The following RAB27A variants were observed in gnomAD, a reference collection of about 807,000 sequenced individuals.
The protein encoded by RAB27A is ras-related protein Rab-27A.
In RAB27A, 17 loss-of-function variants were observed where a neutral mutation model predicts 20.8. The observed-to-expected ratio is 0.82, with a 90% CI of 0.56 to 1.23. The LOEUF is 1.23. Ranked by LOEUF, RAB27A falls within the 50% of genes most tolerant of loss-of-function variation. The probability of loss-of-function intolerance (pLI) is 0.00; values close to 1 mark genes in which losing one functional copy is unlikely to be tolerated. For synonymous variants in RAB27A, 85 were observed against 92.8 expected (o/e 0.92, Z 0.48); for missense variants, 277 against 266.7 (o/e 1.04, Z -0.27).
intron 1 of RAB27A, among the ~76,000 whole-genome samples, chr15:55,276,314 A>G (rs372527004): frequency 3.9e-5 from 6 of 152,218 alleles, no homozygotes; most frequent in African/African-American, 1.4e-4. Context: ...CACCTGTGAC[A>G]ATACAGATAG....
chr15:55,260,681 C>G (rs62018093), intron 2 of RAB27A, among the ~76,000 whole-genome samples: 11,175 of 152,114 alleles, frequency 0.073, 564 homozygotes, highest in Non-Finnish European at 0.12. Context: ...TGAAAGAAGC[C>G]AATCTGTATG....
chr15:55,256,530 A>G (rs915645362), intron 2 of RAB27A, among the ~76,000 whole-genome samples: 3 of 152,256 alleles, frequency 2.0e-5, no homozygotes, highest in African/African-American at 7.2e-5. Context: ...AGAATAGGAT[A>G]CACAGCATGT....
chr15:55,205,392 T>C lies in RAB27A; in HGVS notation c.*115A>G. ...GCTTTATTCGTAGGTCTAATGGGGA[T>C]GGTGAGAAGCAATTTGTACACAATG... On this transcript the variant is annotated 3_prime_UTR_variant, in exon 7 of 7. Transcript: ENST00000336787. The C allele has an allele frequency of 1.9e-6, 2 of 1,064,334 alleles. No homozygotes were observed. Among genetic ancestry groups the C allele is most frequent in the South Asian group, 1.3e-5 (1 of 79,042 alleles). The allele number at this position is 1,064,334 out of a possible 1,614,324, so 65.9% of individuals were successfully genotyped here. A position where few individuals can be genotyped will look rare whatever the true frequency, so the allele number is the denominator to read the frequency against.
intron 6 of RAB27A, among the ~76,000 whole-genome samples, chr15:55,217,284 C>T (rs1204175312): frequency 6.6e-6 from 1 of 151,966 alleles, no homozygotes; most frequent in Non-Finnish European, 1.5e-5. Context: ...AGCTCTGTGC[C>T]AGTAATTGGG....
chr15:55,205,948 G>T (rs943690478), intron 6 of RAB27A, among the ~76,000 whole-genome samples: 1 of 151,976 alleles, frequency 6.6e-6, no homozygotes, highest in African/African-American at 2.4e-5. Context: ...GGGCGCAGTG[G>T]CTCACACCTC....
At chr15:55,261,797 T>C (rs1897278110) in intron 2 of RAB27A, among the ~76,000 whole-genome samples, 1 of 150,982 alleles carries the variant, frequency 6.6e-6, no homozygotes, top group Non-Finnish European at 1.5e-5. Context: ...CCCAGCACTT[T>C]GGAAGGCCGA....
chr15:55,303,566 G>T (rs1420916563), intron 2 of RAB27A, among the ~76,000 whole-genome samples: 4 of 73,730 alleles, frequency 5.4e-5, no homozygotes, highest in African/African-American at 6.2e-5. Context: ...GAGGTGGGGG[G>T]GTCGGCCCCC....
chr15:55,309,688 T>C (rs1193374687), intron 2 of RAB27A, among the ~76,000 whole-genome samples: 1 of 152,208 alleles, frequency 6.6e-6, no homozygotes, highest in Non-Finnish European at 1.5e-5. Context: ...TAAACCACTC[T>C]GCTTCCTCTG....
chr15:55,266,633 T>C (rs879463195), intron 2 of RAB27A, among the ~76,000 whole-genome samples: 3 of 152,236 alleles, frequency 2.0e-5, no homozygotes, highest in Non-Finnish European at 4.4e-5. Context: ...CTAAGCACTA[T>C]TCTAAATCCT....
chr15:55,299,281 T>C (rs1455106659), intron 2 of RAB27A, among the ~76,000 whole-genome samples: 1 of 152,162 alleles, frequency 6.6e-6, no homozygotes, highest in Non-Finnish European at 1.5e-5. Context: ...AGCCGGTCCC[T>C]CCATTTGGGG....
chr15:55,226,347 G>A (rs2899583), intron 5 of RAB27A, among the ~76,000 whole-genome samples: 1 of 152,002 alleles, frequency 6.6e-6, no homozygotes, highest in South Asian at 2.1e-4. Context: ...TTCTCAAGAG[G>A]GCATGGAGAG....
intron 2 of RAB27A, among the ~76,000 whole-genome samples, chr15:55,249,729 C>G (rs1395397530): frequency 6.6e-6 from 1 of 152,176 alleles, no homozygotes; most frequent in African/African-American, 2.4e-5. Flanking sequence ...GCTACTTCAT[C>G]TGTTTCTAAG....
At chr15:55,310,948 A>G (rs1421221011) in intron 2 of RAB27A, among the ~76,000 whole-genome samples, 1 of 152,208 alleles carries the variant, frequency 6.6e-6, no homozygotes, top group Non-Finnish European at 1.5e-5. Flanking sequence ...ATCATTGCCA[A>G]TAATTCATAG....
At chr15:55,277,150 C>T (rs1262103235) in intron 1 of RAB27A, among the ~76,000 whole-genome samples, 1 of 152,148 alleles carries the variant, frequency 6.6e-6, no homozygotes, top group East Asian at 1.9e-4. Flanking sequence ...AAATTCTCTA[C>T]TTCTGTAATA....
intron 2 of RAB27A, among the ~76,000 whole-genome samples, chr15:55,302,973 A>G (rs28423052): frequency 0.42 from 51,720 of 123,308 alleles, 13,782 homozygotes; most frequent in African/African-American, 0.74. Flanking sequence ...ACCCCGTCCA[A>G]GAGGGAGGTG....
intron 3 of RAB27A, among the ~76,000 whole-genome samples, chr15:55,231,797 G>C (rs897747392): frequency 3.9e-5 from 6 of 151,966 alleles, no homozygotes; most frequent in Admixed American, 1.3e-4. Context: ...TGCTCTTTGA[G>C]AACAGCCCTA....
At chr15:55,282,653 C>G (rs1373250417) in intron 1 of RAB27A, among the ~76,000 whole-genome samples, 1 of 152,122 alleles carries the variant, frequency 6.6e-6, no homozygotes, top group African/African-American at 2.4e-5. Flanking sequence ...GACTGAGAAC[C>G]CAAGTCCCTG....
At chr15:55,262,027 A>G (rs1467818516) in intron 2 of RAB27A, among the ~76,000 whole-genome samples, 3 of 146,306 alleles carry the variant, frequency 2.1e-5, no homozygotes, top group African/African-American at 7.7e-5. Flanking sequence ...ACAGGGCGAG[A>G]CTCCATCCCA....
chr15:55,281,320 G>A lies in RAB27A; in HGVS notation c.-143+8396C>T, dbSNP rs140941377. Among the ~76,000 whole-genome samples, 14 of 152,182 alleles carry A rather than the reference G, an allele frequency of 9.2e-5. 1 individual carries two copies. The highest frequency in any genetic ancestry group is 3.4e-4 in the African/African-American group (14 of 41,512). On this transcript the variant is annotated intron_variant, in intron 1 of 6. Coordinates refer to ENST00000336787, the MANE Select transcript of RAB27A (RefSeq NM_183235.3). The stretch of plus-strand genomic sequence containing the variant: ...ATTTGCTTCACCTGGCTATTCTTCC[G>A]AAAGGAAGCATACACTGTCCTCAAA...
Sources: gnomAD v4.1 joint callset for allele counts (sites outside exome capture counted in the v4.1 genomes callset) on GRCh38, gnomAD v4.1.1 for gene constraint, MANE v1.5 for transcripts, NCBI Gene and HGNC (gene_info 2026-07-23, HGNC 2026-07-21) for gene names.